The following MCUB variants were observed in gnomAD, a reference collection of about 807,000 sequenced individuals.
The protein encoded by MCUB is mitochondrial calcium uniporter dominant negative subunit beta.
MCUB carries 46 observed loss-of-function variants against 41.4 expected under a neutral mutation model. The observed-to-expected ratio is 1.11, with a 90% confidence interval of 0.88 to 1.42. The LOEUF is 1.42. MCUB is among the 40% of genes most tolerant of loss of function. The pLI is 0.00. For missense variants in MCUB, 403 were observed against 404.9 expected, an observed-to-expected ratio of 1.00 and a Z score of 0.04; for synonymous variants, 148 against 148.2, an observed-to-expected ratio of 1.00 and a Z score of 0.01.
intron 1 of MCUB, among the ~76,000 whole-genome samples, chr4:109,635,387 C>T (rs1376219675): frequency 2.0e-5 from 3 of 152,322 alleles, no homozygotes; most frequent in Non-Finnish European, 2.9e-5. Context: ...TCCACCCAAA[C>T]GTGGCAGTTC....
intron 1 of MCUB, among the ~76,000 whole-genome samples, chr4:109,563,196 A>T (rs890022757): frequency 2.0e-5 from 3 of 152,228 alleles, no homozygotes; most frequent in African/African-American, 7.2e-5. Flanking sequence ...ATTTTGTGCT[A>T]CTTAGACTGA....
chr4:109,637,869 A>G (rs1728628586), intron 1 of MCUB, among the ~76,000 whole-genome samples: 1 of 152,222 alleles, frequency 6.6e-6, no homozygotes, highest in South Asian at 2.1e-4. Flanking sequence ...ACCAAATACG[A>G]CCTGTTCCCA....
intron 1 of MCUB, among the ~76,000 whole-genome samples, chr4:109,656,078 C>A (rs943823494): frequency 1.3e-5 from 2 of 152,056 alleles, no homozygotes; most frequent in Non-Finnish European, 2.9e-5. Flanking sequence ...CAGTAGTACA[C>A]CTGCAACTTT....
intron 1 of MCUB, among the ~76,000 whole-genome samples, chr4:109,649,235 T>C (rs766668616): frequency 7.9e-5 from 12 of 152,244 alleles, no homozygotes; most frequent in African/African-American, 1.4e-4. Context: ...CACCTTATTC[T>C]GTGCATTCTG....
chr4:109,655,055 C>T (rs1003192991), intron 1 of MCUB, among the ~76,000 whole-genome samples: 1 of 152,154 alleles, frequency 6.6e-6, no homozygotes, highest in African/African-American at 2.4e-5. Flanking sequence ...CAGGGGTTCC[C>T]ATGACCCCCT....
chr4:109,682,514 C>A, intron 4 of MCUB, 68 bp from the exon 5 acceptor site: 2 of 1,293,820 alleles, frequency 1.5e-6, no homozygotes, highest in Non-Finnish European at 2.1e-6. Flanking sequence ...GAATTGGGGA[C>A]CGAAAGATTT....
intron 1 of MCUB, among the ~76,000 whole-genome samples, chr4:109,577,640 C>T (rs1425008275): frequency 4.9e-5 from 1 of 20,534 alleles, no homozygotes; most frequent in Non-Finnish European, 9.6e-5. Flanking sequence ...GATGGAGTCT[C>T]GCTCTGTCGC....
At chr4:109,586,404 C>T (rs1375475300) in intron 1 of MCUB, among the ~76,000 whole-genome samples, 2 of 152,142 alleles carry the variant, frequency 1.3e-5, no homozygotes, top group East Asian at 3.9e-4. Context: ...GAACATCCTT[C>T]TTTAGCTCGG....
At position 109,607,937 on chromosome 4, in the gene MCUB, G is replaced by C. The variant is rs114571148; in HGVS notation, c.99+47501G>C. On this transcript the variant is annotated intron_variant, in intron 1 of 7. Coordinates refer to ENST00000394650, the MANE Select transcript of MCUB (RefSeq NM_017918.5). ...ATTTGAATATTGTTACCTTTTCCTAGGTTTGGGAAGTTCTCTGTTATTTAT... is the reference window on the plus strand; with the variant it reads ...ATTTGAATATTGTTACCTTTTCCTACGTTTGGGAAGTTCTCTGTTATTTAT... Among the ~76,000 whole-genome samples, 548 of 152,140 alleles carry C rather than the reference G, an allele frequency of 3.6e-3. 5 individuals carry two copies. Among genetic ancestry groups the C allele is most frequent in the African/African-American group, 0.013 (536 of 41,490 alleles).
intron 1 of MCUB, among the ~76,000 whole-genome samples, chr4:109,592,339 G>T (rs926667479): frequency 2.6e-5 from 4 of 151,966 alleles, no homozygotes; most frequent in African/African-American, 9.7e-5. Flanking sequence ...GAACCCGGGA[G>T]GTGGAGGTTG....
At chr4:109,618,216 T>C (rs1299573811) in intron 1 of MCUB, among the ~76,000 whole-genome samples, 2 of 152,210 alleles carry the variant, frequency 1.3e-5, no homozygotes, top group Non-Finnish European at 2.9e-5. Context: ...TTAATGCCCC[T>C]TCTTCCCCGC....
At chr4:109,566,516 A>C (rs1726783395) in intron 1 of MCUB, among the ~76,000 whole-genome samples, 1 of 152,082 alleles carries the variant, frequency 6.6e-6, no homozygotes, top group Non-Finnish European at 1.5e-5. Flanking sequence ...CAGTTATTAC[A>C]ACCACTAAGT....
intron 1 of MCUB, among the ~76,000 whole-genome samples, chr4:109,636,651 G>A (rs1004237226): frequency 5.3e-5 from 8 of 152,216 alleles, no homozygotes; most frequent in South Asian, 2.1e-4. Flanking sequence ...CCTGGCCAAC[G>A]TGGCAAAACC....
At chr4:109,617,412 G>A (rs1363404632) in intron 1 of MCUB, among the ~76,000 whole-genome samples, 2 of 152,188 alleles carry the variant, frequency 1.3e-5, no homozygotes, top group African/African-American at 4.8e-5. Context: ...CACATTTAGT[G>A]TGTCGGGGGT....
At chr4:109,582,865 A>G (rs1727216296) in intron 1 of MCUB, among the ~76,000 whole-genome samples, 1 of 152,282 alleles carries the variant, frequency 6.6e-6, no homozygotes, top group East Asian at 1.9e-4. Context: ...TTTGTCAAAG[A>G]TCAGATGGTT....
At chr4:109,597,230 T>C (rs1727579643) in intron 1 of MCUB, among the ~76,000 whole-genome samples, 2 of 152,258 alleles carry the variant, frequency 1.3e-5, no homozygotes, top group East Asian at 3.9e-4. Context: ...CCTGGCCCGT[T>C]CTCAATGAGC....
chr4:109,601,307 C>T (rs188589491), intron 1 of MCUB, among the ~76,000 whole-genome samples: 4 of 152,142 alleles, frequency 2.6e-5, no homozygotes, highest in East Asian at 1.9e-4. Context: ...ACTATAGTCA[C>T]CCTGTTGTGC....
At chr4:109,679,187 C>T (rs1729657791) in intron 4 of MCUB, among the ~76,000 whole-genome samples, 1 of 152,036 alleles carries the variant, frequency 6.6e-6, no homozygotes, top group African/African-American at 2.4e-5. Flanking sequence ...CAGAGGCACT[C>T]CTCACATCCC....
At chr4:109,563,029 C>A (rs1726678437) in intron 1 of MCUB, among the ~76,000 whole-genome samples, 1 of 152,242 alleles carries the variant, frequency 6.6e-6, no homozygotes, top group South Asian at 2.1e-4. Flanking sequence ...GTGGCAGCAT[C>A]TCTGCTTGTC....
Sources: gnomAD v4.1 joint callset for allele counts (sites outside exome capture counted in the v4.1 genomes callset) on GRCh38, gnomAD v4.1.1 for gene constraint, MANE v1.5 for transcripts, NCBI Gene and HGNC (gene_info 2026-07-23, HGNC 2026-07-21) for gene names.